The following GDF3 variants were observed in gnomAD, a reference collection of about 807,000 sequenced individuals.
The protein encoded by GDF3 is growth differentiation factor 3.
GDF3 carries 10 observed loss-of-function variants against 10.2 expected under a neutral mutation model. The observed-to-expected ratio is 0.98, with a 90% CI of 0.60 to 1.66. The LOEUF (loss-of-function observed/expected upper bound fraction) is 1.66. Ranked by LOEUF, GDF3 falls within the 40% of genes most tolerant of loss-of-function variation. GDF3 has a pLI of 0.00. For synonymous variants in GDF3, 166 were observed against 178.5 expected, an observed-to-expected ratio of 0.93 and a Z score of 0.56; for missense variants, 450 against 438.3, an observed-to-expected ratio of 1.03 and a Z score of -0.24.
intron 1 of GDF3, among the ~76,000 whole-genome samples, chr12:7,695,255 C>T (rs1316006618): frequency 6.6e-6 from 1 of 152,202 alleles, no homozygotes; most frequent in Non-Finnish European, 1.5e-5. Context: ...TTACAGGTTA[C>T]CTACTGTCTG....
At chr12:7,691,714 A>G (rs1343465780) in intron 1 of GDF3, among the ~76,000 whole-genome samples, 1 of 152,056 alleles carries the variant, frequency 6.6e-6, no homozygotes, top group African/African-American at 2.4e-5. Context: ...TTTGTCTTTA[A>G]AATATTTTAA....
Position 7,690,394 on chromosome 12 carries a change from G to T in GDF3, c.579C>A (p.Asn193Lys), listed in dbSNP as rs144017935. Residue 193 changes from asparagine (N) to lysine (K), a missense_variant, in exon 2 of 2, where the codon AAC becomes AAA. Physicochemically the swap from Asn to Lys is moderately conservative, Grantham distance 94. Coordinates refer to ENST00000329913, the MANE Select transcript of GDF3 (RefSeq NM_020634.3). ...GGAATAACCCGAAATTTTTCCGGGG[G>T]TTGTCATTCCAATCCTTAGCTACAT... is the stretch of plus-strand genomic sequence containing the variant. ...LLDVAKDWND[N>K]PRKNFGLFLE... The T allele has an allele frequency of 1.3e-5, 21 of 1,614,090 alleles. No individual in the cohort carries two copies. The African/African-American group carries it at 2.1e-4, about 16-fold the overall frequency.
rs1592074136 is a variant in GDF3, at chr12:7,693,972, G to A, written c.268+1489C>T. On this transcript the variant is annotated intron_variant, in intron 1 of 1. Transcript: ENST00000329913. ...GTCTCAAGGGGAAAAAACAAAAAGA[G>A]GAAGAACAAGAGGAAGAAGAAGAAA... Among the ~76,000 whole-genome samples, 3 of 151,920 alleles carry A rather than the reference G, an allele frequency of 2.0e-5. No homozygotes were observed. In the South Asian group the frequency reaches 6.2e-4, roughly 32 times the overall value.
intron 1 of GDF3, among the ~76,000 whole-genome samples, chr12:7,692,538 C>A (rs1483268501): frequency 3.4e-5 from 5 of 147,422 alleles, no homozygotes; most frequent in Non-Finnish European, 7.4e-5. Flanking sequence ...GAGACGGAGT[C>A]CTGCTCTGTT....
At position 7,695,617 on chromosome 12, in the gene GDF3, C is replaced by A; in HGVS notation, c.112G>T (p.Ala38Ser). Residue 38 changes from alanine (A) to serine (S), a missense_variant, in exon 1 of 2, where the codon GCG (alanine) becomes TCG (serine). Physicochemically the swap from Ala to Ser is moderately conservative, Grantham distance 99 (BLOSUM62 1). Coordinates refer to ENST00000329913, the MANE Select transcript of GDF3 (RefSeq NM_020634.3). The part of the protein sequence containing the change: ...VFLQFLGLDK[A>S]PSPQKFQPVP... ...GGTTGGAACTTCTGGGGTGAAGGCG[C>A]CTTATCTAAGCCCAGAAATTGGAGA... 2 of 1,614,122 alleles carry A rather than the reference C, an allele frequency of 1.2e-6. No individual in the cohort carries two copies. The highest frequency in any genetic ancestry group is 1.7e-5 in the Admixed American group (1 of 60,016).
Position 7,690,336 on chromosome 12 carries a change from C to T in GDF3, c.637G>A (p.Gly213Arg), listed in dbSNP as rs12819884. The T allele has an allele frequency of 0.3, 477,526 of 1,613,536 alleles. 72,974 individuals carry two copies. Among genetic ancestry groups the T allele is most frequent in the South Asian group, 0.32 (29,485 of 91,066 alleles). The stretch of plus-strand genomic sequence containing the variant: ...GTGTCTTCAGGCTGAAAATTCACCC[C>T]TGAGTCTCTATCTTCTTTGACCAGT... ...EILVKEDRDSGVNFQPEDTCA... is the reference protein window; with the variant it reads ...EILVKEDRDSRVNFQPEDTCA... The change falls in exon 2 of 2, where the codon GGG (glycine) becomes AGG (arginine). Residue 213 changes from glycine (G) to arginine (R), a missense_variant. By Grantham distance (125) the Gly-to-Arg change is moderately radical. Transcript: ENST00000329913.
Position 7,692,753 on chromosome 12 carries a change from C to T in GDF3, c.269-2049G>A, listed in dbSNP as rs758520296. Among the ~76,000 whole-genome samples, 5 of 152,144 alleles carry T rather than the reference C, an allele frequency of 3.3e-5. No homozygotes were observed. In the East Asian group the frequency reaches 9.7e-4, roughly 30 times the overall value. Reference sequence around the variant, plus strand: ...TCCTGACCTCAGGTGATCCGCCCACCTCGGCCTCCCAAAGTGTTGGGATTA... The same window carrying T: ...TCCTGACCTCAGGTGATCCGCCCACTTCGGCCTCCCAAAGTGTTGGGATTA... On this transcript the variant is annotated intron_variant, in intron 1 of 1. Coordinates refer to ENST00000329913, the MANE Select transcript of GDF3 (RefSeq NM_020634.3).
rs1864111149 is a variant in GDF3 at position 7,690,208 on chromosome 12, G to C, written c.765C>G (p.Val255=). The C allele has an allele frequency of 6.2e-7, 1 of 1,614,060 alleles. No homozygotes were observed. Among genetic ancestry groups the C allele is most frequent in the African/African-American group, 1.3e-5 (1 of 74,920 alleles). The part of the protein sequence containing the change: ...PSRKRRAAIP[V]PKLSCKNLCH... Reference sequence around the variant, plus strand: ...AGAGGTTCTTACAAGAAAGCTTGGGGACAGGGATGGCTGCTCTCCTTTTCC... The same window carrying C: ...AGAGGTTCTTACAAGAAAGCTTGGGCACAGGGATGGCTGCTCTCCTTTTCC... The change falls in exon 2 of 2, where the codon GTC becomes GTG. Residue 255 remains valine, a synonymous_variant. Transcript: ENST00000329913.
At chr12:7,691,447 C>T (rs1044124833) in intron 1 of GDF3, among the ~76,000 whole-genome samples, 1 of 151,750 alleles carries the variant, frequency 6.6e-6, no homozygotes, top group Non-Finnish European at 1.5e-5. Context: ...TGGCTCATGC[C>T]TGTAATCCCA....
rs1433116456 is a variant in GDF3 at position 7,695,654 on chromosome 12, T to C, written c.75A>G (p.Gln25=). The change falls in exon 1 of 2, where the codon CAA becomes CAG. Residue 25 remains glutamine, a synonymous_variant. Transcript: ENST00000329913. ...ILALGQAVQF[Q]EYVFLQFLGL... ...CCAGAAATTGGAGAAAGACATATTC[T>C]TGAAATTGGACTGCCTGGCCCAAAG... is the stretch of plus-strand genomic sequence containing the variant. The C allele has an allele frequency of 1.2e-6, 2 of 1,614,190 alleles. No individual in the cohort carries two copies. Among genetic ancestry groups the C allele is most frequent in the East Asian group, 4.5e-5 (2 of 44,890 alleles).
chr12:7,693,220 C>G (rs1254854716), intron 1 of GDF3, among the ~76,000 whole-genome samples: 1 of 151,488 alleles, frequency 6.6e-6, no homozygotes, highest in Admixed American at 6.6e-5. Flanking sequence ...TTTCTTTCCC[C>G]GAGATGGAGT....
Position 7,690,274 on chromosome 12 carries a change from C to G in GDF3, c.699G>C (p.Leu233=), listed in dbSNP as rs757517038. 1 of 1,614,104 alleles carries G rather than the reference C, an allele frequency of 6.2e-7. No homozygotes were observed. The highest frequency in any genetic ancestry group is 1.1e-5 in the South Asian group (1 of 91,074). The change falls in exon 2 of 2, where the codon CTG becomes CTC. Residue 233 remains leucine, a synonymous_variant. Coordinates refer to ENST00000329913, the MANE Select transcript of GDF3 (RefSeq NM_020634.3). ...GATCAGGGTTGAGAGTCACCACCAG[C>G]AGGGAAGCATGAAGGGAGCATCTTA... ...ARLRCSLHAS[L]LVVTLNPDQC... is the part of the protein sequence containing the mutation.
At chr12:7,695,416 C>T in intron 1 of GDF3, 45 bp downstream of exon 1, 3 of 1,568,974 alleles carry the variant, frequency 1.9e-6, no homozygotes, top group Non-Finnish European at 2.6e-6. Flanking sequence ...TTCTTCACAC[C>T]ACCCAGTTCC....
chr12:7,692,564 C>A (rs1006301538), intron 1 of GDF3, among the ~76,000 whole-genome samples: 1 of 148,586 alleles, frequency 6.7e-6, no homozygotes, highest in Non-Finnish European at 1.5e-5. Flanking sequence ...GGCTGGAGTG[C>A]ACTGGCTTGA....
chr12:7,695,676 A>G lies in GDF3; in HGVS notation c.53T>C (p.Leu18Ser), dbSNP rs777814239. The change falls in exon 1 of 2, where the codon TTG becomes TCG. Residue 18 changes from leucine to serine, a missense_variant. Transcript: ENST00000329913. The part of the protein sequence containing the change: ...LAFSFLLILA[L>S]GQAVQFQEYV... ...TTCTTGAAATTGGACTGCCTGGCCC[A>G]AAGCCAGAATTAACAGGAAGCTGAA... is the stretch of plus-strand genomic sequence containing the variant. 6.8e-6 allele frequency: 11 copies of G among 1,614,192 alleles called. No individual in the cohort carries two copies. The highest frequency in any genetic ancestry group is 9.3e-6 in the Non-Finnish European group (11 of 1,180,010).
At chr12:7,693,205 C>T (rs1201597921) in intron 1 of GDF3, among the ~76,000 whole-genome samples, 4 of 151,698 alleles carry the variant, frequency 2.6e-5, no homozygotes, top group South Asian at 4.2e-4. Context: ...GGTATTTTCT[C>T]TCTTTTTCTT....
rs748993038 is a variant in GDF3 at position 7,690,412 on chromosome 12, A to G, written c.561T>C (p.Ala187=). 1.9e-6 allele frequency: 3 copies of G among 1,613,952 alleles called. No homozygotes were observed. Among genetic ancestry groups the G allele is most frequent in the African/African-American group, 2.7e-5 (2 of 74,894 alleles). Residue 187 remains alanine (A), a synonymous_variant, in exon 2 of 2, where the codon GCT becomes GCC. Coordinates refer to ENST00000329913, the MANE Select transcript of GDF3 (RefSeq NM_020634.3). The part of the protein sequence containing the change: ...GAVHFNLLDV[A]KDWNDNPRKN... ...TCCGGGGGTTGTCATTCCAATCCTTAGCTACATCCAGCAGGTTGAAGTGAA... is the reference window on the plus strand; with the variant it reads ...TCCGGGGGTTGTCATTCCAATCCTTGGCTACATCCAGCAGGTTGAAGTGAA...
chr12:7,692,565 A>C (rs1465647818), intron 1 of GDF3, among the ~76,000 whole-genome samples: 2 of 146,940 alleles, frequency 1.4e-5, no homozygotes, highest in South Asian at 2.2e-4. Flanking sequence ...GCTGGAGTGC[A>C]CTGGCTTGAT....
intron 1 of GDF3, among the ~76,000 whole-genome samples, chr12:7,694,669 C>A (rs755350556): frequency 6.6e-6 from 1 of 151,180 alleles, no homozygotes; most frequent in East Asian, 1.9e-4. Context: ...GCTTCTTGGA[C>A]AAATAAATAT....
Sources: gnomAD v4.1 joint callset for allele counts (sites outside exome capture counted in the v4.1 genomes callset) on GRCh38, gnomAD v4.1.1 for gene constraint, MANE v1.5 for transcripts, NCBI Gene and HGNC (gene_info 2026-07-23, HGNC 2026-07-21) for gene names.